The following RPS10 variants were observed in gnomAD, a reference collection of about 807,000 sequenced individuals.
RPS10 encodes small ribosomal subunit protein eS10.
RPS10 carries 2 observed loss-of-function variants against 22.6 expected under a neutral mutation model. The ratio of observed to expected loss-of-function variants is 0.09; its 90% CI spans 0.04 to 0.28. The LOEUF (loss-of-function observed/expected upper bound fraction) is 0.28, where lower values mean the gene tolerates loss of function less well. Ranked by LOEUF, RPS10 falls within the 10% of genes least tolerant of loss-of-function variation. The pLI is 1.00. For missense variants in RPS10, 137 were observed against 222.2 expected (o/e 0.62, Z 2.44); for synonymous variants, 70 against 75.9 (o/e 0.92, Z 0.40).
intron 2 of RPS10, 30 bp from the exon 3 acceptor site, chr6:34,424,870 T>G (rs1765899955): frequency 6.2e-7 from 1 of 1,613,550 alleles, no homozygotes; most frequent in Non-Finnish European, 8.5e-7. Flanking sequence ...TGTTAAGGCG[T>G]TAAGTAGAAG....
Position 34,424,826 on chromosome 6 carries a change from T to C in RPS10, c.165A>G (p.Arg55=). ...AGGCAAACTGTTCCTTCACGTAGCC[T>C]CGGGACTTGAGAGACTGTAAGGCAG... is the stretch of plus-strand genomic sequence containing the variant. ...VMKAMQSLKS[R]GYVKEQFAWR... is the part of the protein sequence containing the mutation. The change falls in exon 3 of 6, where the codon CGA becomes CGG. Residue 55 remains arginine (R), a synonymous_variant. Coordinates refer to ENST00000648437, the MANE Select transcript of RPS10 (RefSeq NM_001014.5). 6.2e-7 allele frequency: 1 copy of C among 1,613,934 alleles called. No homozygotes were observed. Among genetic ancestry groups the C allele is most frequent in the South Asian group, 1.1e-5 (1 of 91,084 alleles).
intron 3 of RPS10, chr6:34,424,163 A>AAAAAAAAAC (rs1561939868): frequency 6.6e-6 from 1 of 150,926 alleles, no homozygotes; most frequent in Non-Finnish European, 1.5e-5. Context: ...AAAAAAAAAA[A>AAAAAAAAAC]AGCAACTGTG....
At chr6:34,421,849 G>C in intron 3 of RPS10, 42 bp from the exon 4 acceptor site, 1 of 1,611,744 alleles carries the variant, frequency 6.2e-7, no homozygotes, top group Non-Finnish European at 8.5e-7. Context: ...GGCAATGTGA[G>C]AACTCTGTCC....
chr6:34,421,646 C>T (rs967625453), intron 4 of RPS10, 84 bp downstream of exon 4: 30 of 1,508,540 alleles, frequency 2.0e-5, no homozygotes, highest in Middle Eastern at 2.3e-4. Flanking sequence ...TCATCAAGGG[C>T]TGAGCCCCAC....
At position 34,424,788 on chromosome 6, in the gene RPS10, T is replaced by C. The variant is rs774035432; in HGVS notation, c.203A>G (p.Tyr68Cys). ...VKEQFAWRHFYWYLTNEGIQY... is the reference protein window; with the variant it reads ...VKEQFAWRHFCWYLTNEGIQY... ...GATACCCTCATTGGTAAGGTACCAG[T>C]AGAAATGTCTCCAGGCAAACTGTTC... The change falls in exon 3 of 6, where the codon TAC becomes TGC. Residue 68 changes from tyrosine to cysteine, a missense_variant. Coordinates refer to ENST00000648437, the MANE Select transcript of RPS10 (RefSeq NM_001014.5). 2.2e-5 allele frequency: 36 copies of C among 1,613,896 alleles called. No individual in the cohort carries two copies. Among genetic ancestry groups the C allele is most frequent in the Non-Finnish European group, 1.9e-5 (22 of 1,180,012 alleles).
At chr6:34,421,227 T>C (rs543424170) in intron 4 of RPS10, among the ~76,000 whole-genome samples, 13 of 151,644 alleles carry the variant, frequency 8.6e-5, no homozygotes, top group East Asian at 5.9e-4. Context: ...GTGTGAGCCA[T>C]AGATCTAATA....
chr6:34,421,079 C>A, intron 4 of RPS10, among the ~76,000 whole-genome samples: 1 of 147,538 alleles, frequency 6.8e-6, no homozygotes. Flanking sequence ...AACAAAAGCT[C>A]CACATTTTAC....
At chr6:34,421,925 G>T in intron 3 of RPS10, 118 bp from the exon 4 acceptor site, 1 of 986,118 alleles carries the variant, frequency 1.0e-6, no homozygotes, top group Non-Finnish European at 1.6e-6. Context: ...GGTTAAGATG[G>T]GTTAATGGGG....
chr6:34,423,909 C>T (rs924833190), intron 3 of RPS10, among the ~76,000 whole-genome samples: 7 of 151,992 alleles, frequency 4.6e-5, no homozygotes, highest in African/African-American at 1.7e-4. Flanking sequence ...TCACCAGAAT[C>T]CCTTGGGGAG....
intron 4 of RPS10, 130 bp downstream of exon 4, chr6:34,421,598 CAG>C: frequency 4.1e-6 from 4 of 971,418 alleles, no homozygotes; most frequent in Non-Finnish European, 6.6e-6. Context: ...TGATGCTCTG[CAG>C]AGTGAAACCA....
At chr6:34,418,743 T>C (rs1157693280) in intron 4 of RPS10, among the ~76,000 whole-genome samples, 4 of 152,088 alleles carry the variant, frequency 2.6e-5, no homozygotes, top group Non-Finnish European at 5.9e-5. Flanking sequence ...AGTGTAATTA[T>C]GGAAGAACTA....
chr6:34,425,262 C>T (rs371102270), intron 1 of RPS10, 41 bp from the exon 2 acceptor site: 1 of 1,570,614 alleles, frequency 6.4e-7, no homozygotes, highest in Non-Finnish European at 8.6e-7. Context: ...TTCTGAGTAA[C>T]GAGGCCGGGG....
Position 34,425,236 on chromosome 6 carries a change from C to T in RPS10, c.1-15G>A. 6.3e-7 allele frequency: 1 copy of T among 1,598,988 alleles called. No homozygotes were observed. The highest frequency in any genetic ancestry group is 8.5e-7 in the Non-Finnish European group (1 of 1,172,804). Reference sequence around the variant, plus strand: ...GGCATCAACATCTGCAAGAAGGAGACGATTGTCAAGAGCACTTCTGAGTAA... The same window carrying T: ...GGCATCAACATCTGCAAGAAGGAGATGATTGTCAAGAGCACTTCTGAGTAA... On this transcript the variant is annotated splice_polypyrimidine_tract_variant and intron_variant, in intron 1 of 5. Transcript: ENST00000648437.
intron 4 of RPS10, among the ~76,000 whole-genome samples, chr6:34,418,982 C>T (rs1398996524): frequency 6.6e-6 from 1 of 151,814 alleles, no homozygotes; most frequent in Non-Finnish European, 1.5e-5. Context: ...TCAAGCGATC[C>T]TCCCACCTCA....
chr6:34,424,458 C>G lies in RPS10; in HGVS notation c.322+211G>C, dbSNP rs1322356414. 5 of 592,764 alleles carry G rather than the reference C, an allele frequency of 8.4e-6. No individual in the cohort carries two copies. In the Admixed American group the frequency reaches 1.4e-4, roughly 17 times the overall value. 36.7% of individuals were successfully genotyped at this position (592,764 alleles called of 1,614,324 possible). A position where few individuals can be genotyped will look rare whatever the true frequency, so the allele number is the denominator to read the frequency against. On this transcript the variant is annotated intron_variant, in intron 3 of 5. Transcript: ENST00000648437. Reference sequence around the variant, plus strand: ...AGGTGTGGGTGAAGAAAGTGACAGACTATCTGTGCTTAAGGCCATCTCATG... The same window carrying G: ...AGGTGTGGGTGAAGAAAGTGACAGAGTATCTGTGCTTAAGGCCATCTCATG...
chr6:34,424,612 C>A, intron 3 of RPS10, 57 bp downstream of exon 3: 1 of 1,605,106 alleles, frequency 6.2e-7, no homozygotes, highest in Non-Finnish European at 8.5e-7. Context: ...TGCTTTTGTC[C>A]CTTACACAAA....
Position 34,425,713 on chromosome 6 carries a change from C to CA in RPS10, c.-1+318dup, listed in dbSNP as rs1162681983. ...CCACTTCTCCCCCAAACTAGAGCTCCAGTGCCAGGCAAGGAGGCAGTCGGG... is the reference window on the plus strand; with the variant it reads ...CCACTTCTCCCCCAAACTAGAGCTCCAAGTGCCAGGCAAGGAGGCAGTCGGG... On this transcript the variant is annotated intron_variant, in intron 1 of 5. Transcript: ENST00000648437. The CA allele has an allele frequency of 2.8e-5, 5 of 175,848 alleles. No homozygotes were observed. The East Asian group carries it at 7.0e-4, about 25-fold the overall frequency. 10.9% of individuals were successfully genotyped at this position (175,848 alleles called of 1,614,324 possible).
chr6:34,418,489 C>T, intron 4 of RPS10, 65 bp from the exon 5 acceptor site: 2 of 1,611,036 alleles, frequency 1.2e-6, no homozygotes, highest in Non-Finnish European at 1.7e-6. Flanking sequence ...CAAGGGAAGA[C>T]AACTCACTGA....
intron 1 of RPS10, chr6:34,425,451 A>AT: frequency 1.9e-6 from 1 of 537,118 alleles, no homozygotes; most frequent in Non-Finnish European, 3.4e-6. Flanking sequence ...AGTGGTGCAC[A>AT]TTCGCGCCAA....
Sources: gnomAD v4.1 joint callset for allele counts (sites outside exome capture counted in the v4.1 genomes callset) on GRCh38, gnomAD v4.1.1 for gene constraint, MANE v1.5 for transcripts, NCBI Gene and HGNC (gene_info 2026-07-23, HGNC 2026-07-21) for gene names.